Variants in PTPRM observed in about 807,000 individuals in gnomAD.
PTPRM encodes receptor-type tyrosine-protein phosphatase mu.
Under a neutral mutation model 186.7 loss-of-function variants are expected in PTPRM, and 47 were observed. That is an observed-to-expected ratio of 0.25 (90% CI 0.20 to 0.32). The LOEUF (loss-of-function observed/expected upper bound fraction) is 0.32, where lower values mean the gene tolerates loss of function less well. Ranked by LOEUF, PTPRM falls within the 10% of genes least tolerant of loss-of-function variation. PTPRM has a pLI of 1.00. For missense variants in PTPRM, 1,494 were observed against 1,865.0 expected (o/e 0.80, Z 3.66); for synonymous variants, 668 against 674.9 (o/e 0.99, Z 0.16).
intron 14 of PTPRM, among the ~76,000 whole-genome samples, chr18:8,213,770 A>C (rs574791433): frequency 6.6e-6 from 1 of 152,296 alleles, no homozygotes; most frequent in East Asian, 1.9e-4. Flanking sequence ...AACCAAAGGA[A>C]AATAAATCAT....
At chr18:7,808,221 C>T (rs899452063) in intron 2 of PTPRM, among the ~76,000 whole-genome samples, 1 of 152,156 alleles carries the variant, frequency 6.6e-6, no homozygotes, top group Non-Finnish European at 1.5e-5. Flanking sequence ...TTTTCCCTTT[C>T]CGTGTTTTCT....
chr18:7,833,358 T>G (rs944745374), intron 2 of PTPRM, among the ~76,000 whole-genome samples: 40 of 152,218 alleles, frequency 2.6e-4, no homozygotes, highest in African/African-American at 9.4e-4. Context: ...TCCTAGGTAT[T>G]TAATTTCATT....
rs140603443 is a variant in PTPRM at position 8,219,894 on chromosome 18, A to G, written c.2301-24164A>G. ...ATTGTTTATAATTTGATATATCATTACCACAAAGAGTATGTTTAGTCAATC... is the reference window on the plus strand; with the variant it reads ...ATTGTTTATAATTTGATATATCATTGCCACAAAGAGTATGTTTAGTCAATC... On this transcript the variant is annotated intron_variant, in intron 14 of 32. Coordinates refer to ENST00000580170, the MANE Select transcript of PTPRM (RefSeq NM_001105244.2). 6.6e-3 allele frequency among the ~76,000 whole-genome samples: 1,009 copies of G among 152,316 alleles called. 7 individuals carry two copies. The highest frequency in any genetic ancestry group is 0.037 in the Middle Eastern group (11 of 294).
chr18:7,670,743 T>C (rs1298886964), intron 1 of PTPRM, among the ~76,000 whole-genome samples: 2 of 152,232 alleles, frequency 1.3e-5, no homozygotes, highest in Admixed American at 1.3e-4. Flanking sequence ...AACTTATATA[T>C]AGGAGTTATA....
At chr18:8,288,856 G>T (rs28715557) in intron 19 of PTPRM, among the ~76,000 whole-genome samples, 28,359 of 152,142 alleles carry the variant, frequency 0.19, 2,702 homozygotes, top group African/African-American at 0.22. Flanking sequence ...TGATTGAGGG[G>T]CCCTCCAGGG....
intron 7 of PTPRM, among the ~76,000 whole-genome samples, chr18:8,012,601 C>T (rs1054848166): frequency 6.6e-6 from 1 of 152,188 alleles, no homozygotes. Flanking sequence ...TAACATGTGA[C>T]TGTACTGAGT....
chr18:7,926,606 G>C lies in PTPRM; in HGVS notation c.586G>C (p.Val196Leu). The change falls in exon 5 of 33, where the codon GTT (valine) becomes CTT (leucine). Residue 196 changes from valine (V) to leucine (L), a missense_variant. Around this residue, in one of 3 missense-constraint regions of PTPRM, gnomAD observed 296 missense variants for 345.5 expected, o/e 0.86. Transcript: ENST00000580170. ...PHFLRIQNVE[V>L]NAGQFATFQC... ...CTTCCTGCGGATTCAGAATGTGGAA[G>C]TTAATGCTGGCCAGTTTGCTACCTT... is the stretch of plus-strand genomic sequence containing the variant. 2 of 1,613,718 alleles carry C rather than the reference G, an allele frequency of 1.2e-6. No homozygotes were observed. Among genetic ancestry groups the C allele is most frequent in the Non-Finnish European group, 1.7e-6 (2 of 1,179,958 alleles).
chr18:7,888,203 T>C lies in PTPRM; in HGVS notation c.294T>C (p.Asp98=), dbSNP rs950813134. 1.2e-6 allele frequency: 2 copies of C among 1,614,122 alleles called. No homozygotes were observed. The highest frequency in any genetic ancestry group is 1.7e-6 in the Non-Finnish European group (2 of 1,180,008). ...QLKENDTHCI[D]FHYFVSSKSN... is the part of the protein sequence containing the mutation. ...AAGAAAATGACACCCACTGCATCGA[T>C]TTTCACTATTTTGTGTCCAGCAAGA... The change falls in exon 3 of 33, where the codon GAT becomes GAC. Residue 98 remains aspartate (D), a synonymous_variant. Coordinates refer to ENST00000580170, the MANE Select transcript of PTPRM (RefSeq NM_001105244.2).
At chr18:7,897,269 A>T (rs774583548) in intron 3 of PTPRM, among the ~76,000 whole-genome samples, 3 of 152,204 alleles carry the variant, frequency 2.0e-5, no homozygotes, top group Non-Finnish European at 4.4e-5. Context: ...TCTTGAGTCT[A>T]GTGTTCCCTG....
chr18:8,049,792 A>G (rs1026704473), intron 7 of PTPRM, among the ~76,000 whole-genome samples: 3 of 150,594 alleles, frequency 2.0e-5, no homozygotes, highest in African/African-American at 4.9e-5. Flanking sequence ...GCTCACTGCA[A>G]CCCCCGCCTC....
At chr18:7,705,084 A>C (rs2040048279) in intron 1 of PTPRM, among the ~76,000 whole-genome samples, 1 of 152,144 alleles carries the variant, frequency 6.6e-6, no homozygotes, top group Non-Finnish European at 1.5e-5. Context: ...TGGGTGAAAT[A>C]AATTGTTAAA....
intron 1 of PTPRM, among the ~76,000 whole-genome samples, chr18:7,733,776 T>A (rs2040710303): frequency 6.6e-6 from 1 of 152,052 alleles, no homozygotes; most frequent in Non-Finnish European, 1.5e-5. Context: ...GAGGCCAGGC[T>A]CCTCCCCTGC....
At chr18:7,688,758 T>C (rs1307135839) in intron 1 of PTPRM, among the ~76,000 whole-genome samples, 2 of 152,136 alleles carry the variant, frequency 1.3e-5, no homozygotes, top group Non-Finnish European at 2.9e-5. Flanking sequence ...GCACGGTTGG[T>C]TGTGGCCAAC....
intron 2 of PTPRM, among the ~76,000 whole-genome samples, chr18:7,811,843 G>T (rs997998540): frequency 1.3e-5 from 2 of 152,154 alleles, no homozygotes; most frequent in African/African-American, 4.8e-5. Flanking sequence ...CTGAACACTT[G>T]AAAGGGTTAA....
At chr18:7,918,361 T>C (rs896388915) in intron 4 of PTPRM, among the ~76,000 whole-genome samples, 3 of 152,186 alleles carry the variant, frequency 2.0e-5, no homozygotes, top group South Asian at 4.1e-4. Context: ...ACCAACACTG[T>C]ACAAGGGTTC....
chr18:8,295,099 A>G (rs1436356301), intron 19 of PTPRM, among the ~76,000 whole-genome samples: 1 of 152,220 alleles, frequency 6.6e-6, no homozygotes, highest in Admixed American at 6.5e-5. Context: ...GGTGGCAGAG[A>G]CAGACACAGA....
chr18:8,298,873 A>G (rs9961216), intron 20 of PTPRM, among the ~76,000 whole-genome samples: 102,019 of 152,026 alleles, frequency 0.67, 35,057 homozygotes, highest in African/African-American at 0.8. Context: ...TAGCACTTTG[A>G]GAGGCTGAGG....
chr18:8,244,761 G>A (rs75661647), intron 15 of PTPRM, among the ~76,000 whole-genome samples: 6,589 of 152,236 alleles, frequency 0.043, 195 homozygotes, highest in Non-Finnish European at 0.07. Context: ...ACTACTACCT[G>A]TGATCCAGGT....
At chr18:7,948,194 G>A (rs1183808128) in intron 5 of PTPRM, among the ~76,000 whole-genome samples, 1 of 149,888 alleles carries the variant, frequency 6.7e-6, no homozygotes, top group Non-Finnish European at 1.5e-5. Flanking sequence ...CGCTTTCAGG[G>A]CTAGATATTT....
Sources: gnomAD v4.1 joint callset for allele counts (sites outside exome capture counted in the v4.1 genomes callset) on GRCh38, gnomAD v4.1.1 for gene constraint, gnomAD v4.1.1 regional missense constraint, MANE v1.5 for transcripts, NCBI Gene and HGNC (gene_info 2026-07-23, HGNC 2026-07-21) for gene names.